BRAP: variants seen among roughly 807,000 people sequenced by gnomAD.
The protein encoded by BRAP is BRCA1-associated protein.
BRAP carries 42 observed loss-of-function variants against 73.4 expected under a neutral mutation model. The observed-to-expected ratio is 0.57, with a 90% CI of 0.45 to 0.74. The LOEUF is 0.74. BRAP is among the 30% of genes least tolerant of loss of function. The probability of loss-of-function intolerance (pLI) is 0.00; values close to 1 mark genes in which losing one functional copy is unlikely to be tolerated. For missense variants in BRAP, 593 were observed against 751.4 expected (o/e 0.79, Z 2.46); for synonymous variants, 255 against 267.4 (o/e 0.95, Z 0.45).
intron 1 of BRAP, among the ~76,000 whole-genome samples, chr12:111,685,080 A>G (rs1295116951): frequency 1.3e-5 from 2 of 152,256 alleles, no homozygotes; most frequent in Non-Finnish European, 1.5e-5. Flanking sequence ...TAAAAAGCTC[A>G]GACTCAAGTC....
At chr12:111,652,894 A>G (rs1886381508) in intron 10 of BRAP, among the ~76,000 whole-genome samples, 1 of 152,098 alleles carries the variant, frequency 6.6e-6, no homozygotes, top group African/African-American at 2.4e-5. Context: ...TATTTTTAGT[A>G]GAGATGGGAT....
intron 5 of BRAP, among the ~76,000 whole-genome samples, chr12:111,671,101 CA>C (rs59731502): frequency 6.4e-5 from 9 of 140,854 alleles, no homozygotes; most frequent in Admixed American, 7.1e-5. Context: ...CTCATGTCTC[CA>C]AAAAAAAAAG....
Position 111,644,248 on chromosome 12 carries a change from C to A in BRAP, c.1730G>T (p.Gly577Val). The A allele has an allele frequency of 6.2e-7, 1 of 1,613,680 alleles. No individual in the cohort carries two copies. Among genetic ancestry groups the A allele is most frequent in the Admixed American group, 1.7e-5 (1 of 60,022 alleles). ...CTTCCTGGAGGGCAACTTCCCACTG[C>A]CCCCCGAAGAGGCAGGGCTCGAGGC... ...ASASSPASSG[G>V]SGKLPSRKGR... Residue 577 changes from glycine to valine, a missense_variant, in exon 12 of 12, where the codon GGC (glycine) becomes GTC (valine). Transcript: ENST00000419234.
At chr12:111,656,409 T>C (rs918501916) in intron 9 of BRAP, among the ~76,000 whole-genome samples, 3 of 152,178 alleles carry the variant, frequency 2.0e-5, no homozygotes, top group African/African-American at 7.2e-5. Context: ...CAGAAATGAA[T>C]GAGTAACACT....
At chr12:111,668,446 T>C (rs942070420) in intron 5 of BRAP, among the ~76,000 whole-genome samples, 5 of 152,138 alleles carry the variant, frequency 3.3e-5, no homozygotes, top group African/African-American at 9.7e-5. Flanking sequence ...AGAAACAGCT[T>C]CCTTATGATT....
rs918886859 is a variant in BRAP, at chr12:111,644,027, C to A, written c.*172G>T. The A allele has an allele frequency of 1.9e-6, 2 of 1,051,528 alleles. No individual in the cohort carries two copies. Among genetic ancestry groups the A allele is most frequent in the African/African-American group, 1.6e-5 (1 of 62,028 alleles). The allele number at this position is 1,051,528 out of a possible 1,614,324, so 65.1% of individuals were successfully genotyped here. On this transcript the variant is annotated 3_prime_UTR_variant, in exon 12 of 12. Transcript: ENST00000419234. ...AGCGCCTTTCTATCAGCTCTCCAGT[C>A]AGCACCCTTTACATTCACTACATCA... is the stretch of plus-strand genomic sequence containing the variant.
chr12:111,647,670 C>T (rs1592965826), intron 11 of BRAP, among the ~76,000 whole-genome samples: 1 of 152,048 alleles, frequency 6.6e-6, no homozygotes, highest in Admixed American at 6.6e-5. Flanking sequence ...CTTTAGCAGG[C>T]GGATCACCTG....
chr12:111,655,691 C>A, intron 9 of BRAP, 36 bp from the exon 10 acceptor site: 1 of 1,491,500 alleles, frequency 6.7e-7, no homozygotes, highest in South Asian at 1.1e-5. Flanking sequence ...AAATGTAAGT[C>A]ACTGTTGTCA....
rs1886387039 is a variant in BRAP, at chr12:111,653,026, T to TA, written c.1311+2539dup. On this transcript the variant is annotated intron_variant, in intron 10 of 11. Transcript: ENST00000419234. ...TGCCCGGCCAACCCCCCGATCTGAA[T>TA]AAAATTTTTTTTTTAAATCAGCCAG... Among the ~76,000 whole-genome samples the TA allele has an allele frequency of 2.0e-5, 3 of 152,174 alleles. No individual in the cohort carries two copies. In the South Asian group the frequency reaches 6.2e-4, roughly 32 times the overall value.
At chr12:111,676,718 C>T (rs1887395270) in intron 4 of BRAP, among the ~76,000 whole-genome samples, 2 of 152,064 alleles carry the variant, frequency 1.3e-5, no homozygotes, top group Non-Finnish European at 2.9e-5. Context: ...ACCTGGCCAA[C>T]ATGGCATCGT....
At chr12:111,671,480 G>A (rs1887167122) in intron 5 of BRAP, among the ~76,000 whole-genome samples, 1 of 152,032 alleles carries the variant, frequency 6.6e-6, no homozygotes, top group African/African-American at 2.4e-5. Flanking sequence ...AACCTGGGAG[G>A]TGGAGGTTGC....
At chr12:111,685,685 G>A (rs757264700) in intron 1 of BRAP, 26 bp downstream of exon 1, 6 of 1,594,058 alleles carry the variant, frequency 3.8e-6, no homozygotes, top group Middle Eastern at 1.7e-4. Flanking sequence ...CGGCTACAGG[G>A]AATGCGGCGA....
chr12:111,665,104 G>T lies in BRAP; in HGVS notation c.896+535C>A, dbSNP rs1184862574. Among the ~76,000 whole-genome samples, 1 of 152,152 alleles carries T rather than the reference G, an allele frequency of 6.6e-6. No homozygotes were observed. Among genetic ancestry groups the T allele is most frequent in the Non-Finnish European group, 1.5e-5 (1 of 68,026 alleles). ...ATTTAGGGGGTAAAAAAAAGGTACA[G>T]GCCTTACCTGTTCTTTGTCTGTAGC... On this transcript the variant is annotated intron_variant, in intron 6 of 11. Transcript: ENST00000419234. This position sits in a 1 kb window ranked among gnomAD's most constrained non-coding sequence, Gnocchi z 4.3.
chr12:111,670,377 C>A, intron 5 of BRAP: 1 of 377,004 alleles, frequency 2.7e-6, no homozygotes, highest in Non-Finnish European at 5.2e-6. Context: ...CAACATTTTC[C>A]CCCGCCACCC....
chr12:111,651,635 C>CTTTT (rs761275581), intron 10 of BRAP, among the ~76,000 whole-genome samples: 37 of 124,968 alleles, frequency 3.0e-4, no homozygotes, highest in African/African-American at 8.1e-4. Context: ...GATTTCTTTT[C>CTTTT]TTTTTTTTTT....
At chr12:111,670,128 ATTG>A (rs1887110810) in intron 5 of BRAP, 1 of 619,280 alleles carries the variant, frequency 1.6e-6, no homozygotes, top group African/African-American at 1.8e-5. Context: ...TTTGATGGAT[ATTG>A]TTGATGCTTT....
intron 10 of BRAP, among the ~76,000 whole-genome samples, chr12:111,651,646 T>C (rs1424940154): frequency 6.7e-6 from 1 of 148,766 alleles, no homozygotes; most frequent in Non-Finnish European, 1.5e-5. Context: ...TTTTTTTTTT[T>C]TTTTTTTTTG....
intron 7 of BRAP, among the ~76,000 whole-genome samples, chr12:111,659,715 C>T (rs1886672177): frequency 6.6e-6 from 1 of 151,852 alleles, no homozygotes; most frequent in African/African-American, 2.4e-5. Flanking sequence ...GAACCTGAGA[C>T]ACTAGAAGAC....
chr12:111,679,484 A>G, intron 3 of BRAP, 144 bp from the exon 4 acceptor site: 3 of 494,328 alleles, frequency 6.1e-6, no homozygotes, highest in Non-Finnish European at 9.6e-6. Context: ...TATACCCCCC[A>G]TTGGACTTTT....
Sources: allele counts gnomAD v4.1 joint callset (sites outside exome capture counted in the v4.1 genomes callset), GRCh38; gene constraint gnomAD v4.1.1; non-coding constraint Gnocchi (gnomAD v3.1); transcripts MANE v1.5; gene names NCBI Gene and HGNC (gene_info 2026-07-23, HGNC 2026-07-21).